AKAP12: variants seen among roughly 807,000 people sequenced by gnomAD.
The protein encoded by AKAP12 is A-kinase anchor protein 12.
A neutral mutation model predicts 79.9 loss-of-function variants in AKAP12; 32 were observed. The ratio of observed to expected loss-of-function variants is 0.40; its 90% confidence interval spans 0.30 to 0.54. AKAP12 has a LOEUF of 0.54. Among genes scored for constraint, AKAP12 ranks in the 20% least tolerant of loss-of-function variants. The pLI, the probability that AKAP12 is intolerant of heterozygous loss-of-function variation, is 0.48. For missense variants in AKAP12, 2,074 were observed against 2,177.0 expected (o/e 0.95, Z 0.94); for synonymous variants, 808 against 857.0 (o/e 0.94, Z 1.00).
intron 2 of AKAP12, among the ~76,000 whole-genome samples, chr6:151,247,332 A>G (rs1797094814): frequency 6.6e-6 from 1 of 152,058 alleles, no homozygotes. Flanking sequence ...ACCCAGGAGT[A>G]TGAGGCTGCA....
intron 3 of AKAP12, chr6:151,325,014 AC>A: frequency 4.1e-6 from 4 of 985,424 alleles, no homozygotes; most frequent in Non-Finnish European, 4.8e-6. Flanking sequence ...TTAGAAAAAG[AC>A]CCCATGCTCA....
At chr6:151,246,214 C>T (rs995668316) in intron 2 of AKAP12, among the ~76,000 whole-genome samples, 2 of 152,110 alleles carry the variant, frequency 1.3e-5, no homozygotes, top group Admixed American at 6.5e-5. Context: ...GTCAGGAGTT[C>T]GAGACCAGCC....
In AKAP12 at chr6:151,264,493, A is replaced by C. The variant is rs180894901; in HGVS notation, c.162+23769A>C. Among the ~76,000 whole-genome samples the C allele has an allele frequency of 4.3e-3, 648 of 151,764 alleles. 4 individuals are homozygous for C. Among genetic ancestry groups the C allele is most frequent in the African/African-American group, 0.015 (630 of 41,376 alleles). On this transcript the variant is annotated intron_variant, in intron 2 of 4. Coordinates refer to ENST00000402676, the MANE Select transcript of AKAP12 (RefSeq NM_005100.4). ...TGAGACCAGCTTGACCAACATGGAG[A>C]AACCCCGTCTCTACTAAAAATAGAA... is the stretch of plus-strand genomic sequence containing the variant.
intron 2 of AKAP12, among the ~76,000 whole-genome samples, chr6:151,285,270 T>A (rs554510540): frequency 1.3e-5 from 2 of 152,326 alleles, no homozygotes; most frequent in African/African-American, 2.4e-5. Context: ...CCCATTGTCA[T>A]AGGAGTGGAT....
At chr6:151,309,774 T>A (rs564128019) in intron 3 of AKAP12, among the ~76,000 whole-genome samples, 8 of 152,232 alleles carry the variant, frequency 5.3e-5, no homozygotes, top group Admixed American at 1.3e-4. Flanking sequence ...TAAACACAAC[T>A]AATTACCTTA....
At chr6:151,338,501 G>T (rs1467957238) in intron 3 of AKAP12, among the ~76,000 whole-genome samples, 1 of 150,700 alleles carries the variant, frequency 6.6e-6, no homozygotes, top group East Asian at 1.9e-4. Context: ...TGTTGCCCAG[G>T]ATGGAGTGTA....
At chr6:151,324,887 A>G (rs1777484538) in intron 3 of AKAP12, 3 of 985,320 alleles carry the variant, frequency 3.0e-6, no homozygotes, top group South Asian at 9.4e-5. Context: ...AAATCTTCTG[A>G]ACTTTTAACA....
intron 2 of AKAP12, among the ~76,000 whole-genome samples, chr6:151,292,758 C>T (rs532997059): frequency 3.9e-5 from 6 of 152,386 alleles, no homozygotes; most frequent in African/African-American, 1.2e-4. Context: ...GCCTGCAAGG[C>T]GTGTTGATGT....
chr6:151,324,483 T>C (rs1231500275), intron 3 of AKAP12: 2 of 985,412 alleles, frequency 2.0e-6, no homozygotes, highest in Non-Finnish European at 1.2e-6. Context: ...CATTTTTCCC[T>C]GATTCTCCTG....
chr6:151,342,928 G>GT (rs759480938), intron 3 of AKAP12, among the ~76,000 whole-genome samples: 2 of 152,038 alleles, frequency 1.3e-5, no homozygotes, highest in Non-Finnish European at 2.9e-5. Flanking sequence ...ATGCACGACT[G>GT]ATTTTTGTAT....
intron 3 of AKAP12, among the ~76,000 whole-genome samples, chr6:151,337,272 A>G (rs1389912041): frequency 2.0e-5 from 3 of 151,996 alleles, no homozygotes; most frequent in African/African-American, 4.8e-5. Context: ...TGAGAGGCCA[A>G]GGTGGGTAGA....
intron 3 of AKAP12, among the ~76,000 whole-genome samples, chr6:151,345,192 C>T (rs558576504): frequency 1.3e-5 from 2 of 152,050 alleles, no homozygotes; most frequent in African/African-American, 4.8e-5. Context: ...TCTCCTTCCT[C>T]AGTCTCCTGA....
At chr6:151,284,487 G>T (rs889504652) in intron 2 of AKAP12, among the ~76,000 whole-genome samples, 1 of 152,100 alleles carries the variant, frequency 6.6e-6, no homozygotes, top group Admixed American at 6.5e-5. Flanking sequence ...AATTAGCTGG[G>T]TGTGGCAGTG....
intron 2 of AKAP12, among the ~76,000 whole-genome samples, chr6:151,257,873 G>A (rs1253411051): frequency 6.6e-6 from 1 of 152,204 alleles, no homozygotes; most frequent in Admixed American, 6.5e-5. Flanking sequence ...AAGAGGAGTA[G>A]AAAATGAGGA....
At chr6:151,301,043 T>G (rs1430812961) in intron 2 of AKAP12, among the ~76,000 whole-genome samples, 1 of 152,212 alleles carries the variant, frequency 6.6e-6, no homozygotes, top group Non-Finnish European at 1.5e-5. Context: ...ATACATTTCC[T>G]CCTTCTTTCT....
At chr6:151,259,500 GTA>G (rs748597733) in intron 2 of AKAP12, among the ~76,000 whole-genome samples, 3,326 of 118,016 alleles carry the variant, frequency 0.028, 90 homozygotes, top group East Asian at 0.16. Flanking sequence ...ACATATACAT[GTA>G]TATATATATA....
chr6:151,258,333 A>C (rs1057308731), intron 2 of AKAP12, among the ~76,000 whole-genome samples: 1 of 152,172 alleles, frequency 6.6e-6, no homozygotes, highest in Admixed American at 6.6e-5. Flanking sequence ...AAGAGGGAAA[A>C]ATCCCCAAAG....
At chr6:151,281,683 A>G (rs1426248516) in intron 2 of AKAP12, among the ~76,000 whole-genome samples, 1 of 152,014 alleles carries the variant, frequency 6.6e-6, no homozygotes, top group Non-Finnish European at 1.5e-5. Context: ...TCTTTTCTCC[A>G]CACACGTTTG....
Position 151,349,309 on chromosome 6 carries a change from C to T in AKAP12, c.918C>T (p.Gly306=). The T allele has an allele frequency of 1.2e-6, 2 of 1,613,790 alleles. No homozygotes were observed. Among genetic ancestry groups the T allele is most frequent in the Non-Finnish European group, 1.7e-6 (2 of 1,179,938 alleles). The change falls in exon 4 of 5, where the codon GGC becomes GGT. Residue 306 remains glycine, a synonymous_variant. Coordinates refer to ENST00000402676, the MANE Select transcript of AKAP12 (RefSeq NM_005100.4). The part of the protein sequence containing the change: ...FKKFFTQGWA[G]WRKKTSFRKP... The stretch of plus-strand genomic sequence containing the variant: ...AATTCTTCACTCAAGGTTGGGCCGG[C>T]TGGCGCAAAAAGACCAGTTTCAGGA...
Sources: allele counts gnomAD v4.1 joint callset (sites outside exome capture counted in the v4.1 genomes callset), GRCh38; gene constraint gnomAD v4.1.1; transcripts MANE v1.5; gene names NCBI Gene and HGNC (gene_info 2026-07-23, HGNC 2026-07-21).